C6orf62: variants seen among roughly 807,000 people sequenced by gnomAD.
C6orf62 encodes the protein chromosome 6 open reading frame 62, also known as uncharacterized protein C6orf62.
In C6orf62, 16 loss-of-function variants were observed where a neutral mutation model predicts 26.8. The observed-to-expected ratio is 0.60, with a 90% CI of 0.40 to 0.91. The LOEUF is 0.91. C6orf62 is among the 40% of genes least tolerant of loss of function. The pLI, the probability that C6orf62 is intolerant of heterozygous loss-of-function variation, is 0.00. For missense variants in C6orf62, 192 were observed against 271.4 expected (o/e 0.71, Z 2.06); for synonymous variants, 112 against 91.5 (o/e 1.22, Z -1.28).
chr6:24,719,854 A>T (rs1371651518), upstream of C6orf62: 1 of 1,335,912 alleles, frequency 7.5e-7, no homozygotes, highest in African/African-American at 1.6e-5. Flanking sequence ...AGCGGCAGCG[A>T]CTCACTCGCA....
chr6:24,719,155 C>CAA (rs5875002), upstream of C6orf62: 5,672 of 858,976 alleles, frequency 6.6e-3, no homozygotes, highest in Non-Finnish European at 7.1e-3. Flanking sequence ...CCTTGCTTTC[C>CAA]AAAAAAAAAA....
chr6:24,709,747 C>G lies in C6orf62; in HGVS notation c.430-836G>C, dbSNP rs538564307. 12 of 985,456 alleles carry G rather than the reference C, an allele frequency of 1.2e-5. No individual in the cohort carries two copies. The South Asian group carries it at 4.7e-4, about 39-fold the overall frequency. The allele number at this position is 985,456 out of a possible 1,614,324, so 61.0% of individuals were successfully genotyped here. A position where few individuals can be genotyped will look rare whatever the true frequency, so the allele number is the denominator to read the frequency against. ...ACATGAGGAAGATCAACTCCATCCTCCCACAAAATATCTGTTGGGCATGGT... is the reference window on the plus strand; with the variant it reads ...ACATGAGGAAGATCAACTCCATCCTGCCACAAAATATCTGTTGGGCATGGT... On this transcript the variant is annotated intron_variant, in intron 3 of 4. Transcript: ENST00000378119.
upstream of C6orf62, chr6:24,720,150 G>A (rs2127637708): frequency 2.9e-6 from 4 of 1,364,402 alleles, no homozygotes; most frequent in South Asian, 5.3e-5. Flanking sequence ...TGGAATTGAG[G>A]CAGCTAGGGC....
At chr6:24,716,571 A>G (rs1235478353) in intron 1 of C6orf62, among the ~76,000 whole-genome samples, 1 of 152,208 alleles carries the variant, frequency 6.6e-6, no homozygotes, top group Admixed American at 6.5e-5. Context: ...AATGGTATCC[A>G]TAGCACTATT....
chr6:24,711,618 G>C (rs541900185), intron 3 of C6orf62, among the ~76,000 whole-genome samples: 54 of 152,008 alleles, frequency 3.6e-4, no homozygotes, highest in African/African-American at 1.3e-3. Context: ...AACAAAGTGA[G>C]ACCCCATCTC....
Position 24,712,395 on chromosome 6 carries a change from G to A in C6orf62, c.429+1923C>T, listed in dbSNP as rs961193302. Among the ~76,000 whole-genome samples, 5 of 151,704 alleles carry A rather than the reference G, an allele frequency of 3.3e-5. No individual in the cohort carries two copies. The South Asian group carries it at 6.3e-4, about 19-fold the overall frequency. On this transcript the variant is annotated intron_variant, in intron 3 of 4. Coordinates refer to ENST00000378119, the MANE Select transcript of C6orf62 (RefSeq NM_030939.5). The stretch of plus-strand genomic sequence containing the variant: ...AGACCCTGTCTCAAAAAAAGGACGG[G>A]CATGGTGGCTCATACCTGTAATCCC...
upstream of C6orf62, chr6:24,719,991 G>A (rs1164950960): frequency 6.5e-7 from 1 of 1,539,068 alleles, no homozygotes; most frequent in Non-Finnish European, 8.8e-7. Context: ...AAATAATTGT[G>A]TTAATATTAC....
chr6:24,717,158 C>T lies in C6orf62; in HGVS notation c.130-834G>A, dbSNP rs192454408. On this transcript the variant is annotated intron_variant, in intron 1 of 4. Coordinates refer to ENST00000378119, the MANE Select transcript of C6orf62 (RefSeq NM_030939.5). ...AGTATATATCATGAATTATTCAGGG[C>T]AACTGCATGGACACTGTCCATTCAC... Among the ~76,000 whole-genome samples, 4 of 152,160 alleles carry T rather than the reference C, an allele frequency of 2.6e-5. No individual in the cohort carries two copies. The East Asian group carries it at 7.7e-4, about 29-fold the overall frequency.
In C6orf62 at chr6:24,718,567, C is replaced by T. The variant is rs1779285725; in HGVS notation, c.102G>A (p.Met34Ile). The stretch of plus-strand genomic sequence containing the variant: ...TCTCCTTGAATACAAAGGCAATATA[C>T]ATCTTGAAGTCAAACTGGTCAGCTA... ...ESLADQFDFK[M>I]YIAFVFKEKK... The change falls in exon 1 of 5, where the codon ATG (methionine) becomes ATA (isoleucine). Residue 34 changes from methionine to isoleucine, a missense_variant. Transcript: ENST00000378119. The T allele has an allele frequency of 1.2e-6, 2 of 1,612,644 alleles. No individual in the cohort carries two copies. The highest frequency in any genetic ancestry group is 1.7e-6 in the Non-Finnish European group (2 of 1,178,932).
chr6:24,714,290 A>G (rs1317287127), intron 3 of C6orf62, 28 bp downstream of exon 3: 11 of 1,572,134 alleles, frequency 7.0e-6, no homozygotes, highest in Middle Eastern at 1.7e-4. Flanking sequence ...ACATATTGAA[A>G]TACTCATCAC....
chr6:24,714,262 T>C, intron 3 of C6orf62, 56 bp downstream of exon 3: 6 of 1,415,522 alleles, frequency 4.2e-6, no homozygotes, highest in South Asian at 1.4e-5. Flanking sequence ...TAGACCCTAT[T>C]ATATTCTAGT....
At chr6:24,713,877 C>A (rs1779173943) in intron 3 of C6orf62, among the ~76,000 whole-genome samples, 1 of 152,204 alleles carries the variant, frequency 6.6e-6, no homozygotes, top group South Asian at 2.1e-4. Context: ...AGAATGACTA[C>A]TAAATTTACT....
chr6:24,718,878 C>A lies in C6orf62; in HGVS notation c.-210G>T. ...AGGGTCAAGAAACAAAAGCTGCTGT[C>A]CAGTCATGTTTGGACAATAACGTTT... is the stretch of plus-strand genomic sequence containing the variant. On this transcript the variant is annotated 5_prime_UTR_variant, in exon 1 of 5. Transcript: ENST00000378119. The A allele has an allele frequency of 7.2e-7, 1 of 1,389,222 alleles. No homozygotes were observed. Among genetic ancestry groups the A allele is most frequent in the Non-Finnish European group, 9.3e-7 (1 of 1,078,354 alleles). 86.1% of individuals were successfully genotyped at this position (1,389,222 alleles called of 1,614,324 possible).
Position 24,705,865 on chromosome 6 carries a change from C to T in C6orf62, c.*272G>A, listed in dbSNP as rs993073918. 4.1e-5 allele frequency: 13 copies of T among 313,986 alleles called. No homozygotes were observed. Among genetic ancestry groups the T allele is most frequent in the African/African-American group, 2.8e-4 (13 of 47,056 alleles). The allele number at this position is 313,986 out of a possible 1,614,324, so 19.4% of individuals were successfully genotyped here. A position where few individuals can be genotyped will look rare whatever the true frequency, so the allele number is the denominator to read the frequency against. On this transcript the variant is annotated 3_prime_UTR_variant, in exon 5 of 5. Coordinates refer to ENST00000378119, the MANE Select transcript of C6orf62 (RefSeq NM_030939.5). ...TTAAGCATTTCAGTGTACAATAGTC[C>T]TTTCATTTCACATTTTTAGTAAGAT...
At chr6:24,713,798 G>C (rs1424455283) in intron 3 of C6orf62, among the ~76,000 whole-genome samples, 4 of 152,156 alleles carry the variant, frequency 2.6e-5, no homozygotes, top group South Asian at 4.1e-4. Flanking sequence ...ACACTAGAGG[G>C]GGGATTCACT....
chr6:24,707,872 G>A (rs1206029016), intron 4 of C6orf62, among the ~76,000 whole-genome samples: 3 of 151,718 alleles, frequency 2.0e-5, no homozygotes, highest in Admixed American at 6.6e-5. Flanking sequence ...TTAGCTGGGC[G>A]TGGTGGCGGG....
upstream of C6orf62, chr6:24,720,011 A>AGG: frequency 6.7e-7 from 1 of 1,502,148 alleles, no homozygotes; most frequent in Non-Finnish European, 8.9e-7. Flanking sequence ...CTTCTAAAGT[A>AGG]AGCCCACCCA....
upstream of C6orf62, chr6:24,719,172 A>C (rs1281897574): frequency 1.0e-6 from 1 of 986,150 alleles, no homozygotes; most frequent in African/African-American, 1.8e-5. Context: ...AAAAAAAAAA[A>C]AAACTCACCA....
At chr6:24,715,748 T>A (rs1779212423) in intron 2 of C6orf62, among the ~76,000 whole-genome samples, 1 of 146,192 alleles carries the variant, frequency 6.8e-6, no homozygotes, top group Non-Finnish European at 1.5e-5. Flanking sequence ...CTCGGGAGGC[T>A]AAGGCAGGAG....
Sources: gnomAD v4.1 joint callset for allele counts (sites outside exome capture counted in the v4.1 genomes callset) on GRCh38, gnomAD v4.1.1 for gene constraint, MANE v1.5 for transcripts, NCBI Gene and HGNC (gene_info 2026-07-23, HGNC 2026-07-21) for gene names.